The following MASP1 variants were observed in gnomAD, a reference collection of about 807,000 sequenced individuals.
MASP1 encodes the protein mannan-binding lectin serine protease 1.
In MASP1, 59 loss-of-function variants were observed where a neutral mutation model predicts 77.1. The ratio of observed to expected loss-of-function variants is 0.77; its 90% confidence interval spans 0.62 to 0.95. The LOEUF is 0.95. Ranked by LOEUF, MASP1 falls within the 40% of genes least tolerant of loss-of-function variation. The pLI is 0.00. For synonymous variants in MASP1, 362 were observed against 354.5 expected, an observed-to-expected ratio of 1.02 and a Z score of -0.24; for missense variants, 885 against 912.9, an observed-to-expected ratio of 0.97 and a Z score of 0.39.
chr3:187,279,472 C>G (rs898077559), intron 2 of MASP1, among the ~76,000 whole-genome samples: 1 of 151,986 alleles, frequency 6.6e-6, no homozygotes, highest in African/African-American at 2.4e-5. Context: ...TTTTTTACAC[C>G]CCCAAATCAT....
chr3:187,274,584 G>A (rs975208369), intron 2 of MASP1, among the ~76,000 whole-genome samples: 2 of 152,356 alleles, frequency 1.3e-5, no homozygotes, highest in African/African-American at 4.8e-5. Flanking sequence ...GGCAGAGCCA[G>A]TACTGGGGCC....
rs1054699834 is a variant in MASP1, at chr3:187,234,141, G to T, written c.*1543C>A. 2 of 1,287,026 alleles carry T rather than the reference G, an allele frequency of 1.6e-6. No individual in the cohort carries two copies. Among genetic ancestry groups the T allele is most frequent in the Admixed American group, 4.6e-5 (2 of 43,544 alleles). 79.7% of individuals were successfully genotyped at this position (1,287,026 alleles called of 1,614,324 possible). On this transcript the variant is annotated 3_prime_UTR_variant, in exon 11 of 11. Transcript: ENST00000296280. ...GACCCCTGATGGGAGCAACAATGCA[G>T]AGGCCCTTTACAGAATGGTGAAGCA...
At chr3:187,250,209 G>T in intron 8 of MASP1, 42 bp downstream of exon 8, 1 of 1,517,166 alleles carries the variant, frequency 6.6e-7, no homozygotes, top group South Asian at 1.1e-5. Flanking sequence ...GCCAGTGCTG[G>T]GGAGCTCAGT....
At chr3:187,221,028 A>G (rs773061238) in intron 15 of MASP1, 1 of 1,612,866 alleles carries the variant, frequency 6.2e-7, no homozygotes, top group Non-Finnish European at 8.5e-7. Context: ...CCAGCCTCTT[A>G]ACCCACCTTC....
chr3:187,226,520 C>G (rs1392078383), exon 12 of MASP1: 2 of 1,603,488 alleles, frequency 1.2e-6, no homozygotes, highest in East Asian at 4.5e-5. Flanking sequence ...CCAGCTGGAG[C>G]CTGGGGAACA....
intron 8 of MASP1, chr3:187,247,006 A>T (rs1714138543): frequency 8.0e-7 from 1 of 1,255,568 alleles, no homozygotes; most frequent in Non-Finnish European, 1.0e-6. Context: ...TTGTATATTA[A>T]ATCTTTTGTC....
chr3:187,256,724 A>C lies in MASP1; in HGVS notation c.684T>G (p.Phe228Leu). The C allele has an allele frequency of 6.2e-7, 1 of 1,614,010 alleles. No individual in the cohort carries two copies. Among genetic ancestry groups the C allele is most frequent in the Non-Finnish European group, 8.5e-7 (1 of 1,180,002 alleles). Residue 228 changes from phenylalanine (F) to leucine (L), a missense_variant, in exon 5 of 11, where the codon TTT (phenylalanine) becomes TTG (leucine). Transcript: ENST00000296280. ...LEEGFMVNLQ[F>L]EDIFDIEDHP... is the part of the protein sequence containing the mutation. ...GGTCCTCAATGTCAAATATGTCCTC[A>C]AACTGCAGGTTGACCATGAAACCCT...
At chr3:187,240,342 A>G (rs1207440443) in intron 10 of MASP1, among the ~76,000 whole-genome samples, 2 of 152,156 alleles carry the variant, frequency 1.3e-5, no homozygotes, top group Non-Finnish European at 2.9e-5. Flanking sequence ...AATATCACCC[A>G]ATGCTTAACC....
chr3:187,255,347 C>T (rs922332245), intron 5 of MASP1, among the ~76,000 whole-genome samples: 3 of 152,038 alleles, frequency 2.0e-5, no homozygotes, highest in African/African-American at 7.2e-5. Context: ...GGATTTTAGT[C>T]TTACATCTGC....
chr3:187,218,439 C>T (rs1711868119), exon 16 of MASP1: 1 of 152,574 alleles, frequency 6.6e-6, no homozygotes, highest in Non-Finnish European at 1.5e-5. Context: ...GGAGTTTCTG[C>T]TAGCTTGACA....
downstream of MASP1, among the ~76,000 whole-genome samples, chr3:187,233,674 T>C (rs940158622): frequency 6.6e-6 from 1 of 152,264 alleles, no homozygotes; most frequent in Non-Finnish European, 1.5e-5. Context: ...TAGCTGGTTT[T>C]GCTCTCAGCG....
chr3:187,260,339 T>C (rs1715454856), intron 4 of MASP1, among the ~76,000 whole-genome samples: 1 of 152,178 alleles, frequency 6.6e-6, no homozygotes. Flanking sequence ...CTCTCTATTG[T>C]AGAGGAACTT....
chr3:187,250,219 T>A (rs1349199078), intron 8 of MASP1, 32 bp downstream of exon 8: 2 of 1,575,178 alleles, frequency 1.3e-6, no homozygotes, highest in East Asian at 2.2e-5. Context: ...GGGAGCTCAG[T>A]ATCTTTATAA....
chr3:187,225,814 C>G (rs969985397), intron 12 of MASP1, among the ~76,000 whole-genome samples: 4 of 152,222 alleles, frequency 2.6e-5, no homozygotes, highest in African/African-American at 4.8e-5. Flanking sequence ...ATGACCTCCT[C>G]CAGGTAGCCT....
At chr3:187,226,270 T>C (rs769782045) in intron 12 of MASP1, 2 of 709,268 alleles carry the variant, frequency 2.8e-6, no homozygotes, top group African/African-American at 1.7e-5. Flanking sequence ...CTCAGGTTCC[T>C]GGACCTCCAT....
intron 2 of MASP1, among the ~76,000 whole-genome samples, chr3:187,264,106 T>C (rs188274548): frequency 2.9e-4 from 44 of 152,342 alleles, no homozygotes; most frequent in African/African-American, 8.9e-4. Context: ...TAGCTTAGCA[T>C]GTCAGAAATA....
At chr3:187,223,271 C>T (rs1712178719) in intron 13 of MASP1, 18 of 1,144,490 alleles carry the variant, frequency 1.6e-5, no homozygotes, top group Non-Finnish European at 2.4e-5. Context: ...GCAGCTCCAT[C>T]ATCCTCTTCT....
chr3:187,254,426 A>G (rs1206727094), intron 5 of MASP1, among the ~76,000 whole-genome samples: 2 of 152,170 alleles, frequency 1.3e-5, no homozygotes, highest in African/African-American at 4.8e-5. Flanking sequence ...GCATATGTAA[A>G]GGTCAAAGCC....
At chr3:187,280,297 C>T (rs929322313) in intron 2 of MASP1, among the ~76,000 whole-genome samples, 2 of 152,150 alleles carry the variant, frequency 1.3e-5, no homozygotes, top group Non-Finnish European at 2.9e-5. Flanking sequence ...AGAACAGTGG[C>T]ATTGCATTAC....
Sources: allele counts gnomAD v4.1 joint callset (sites outside exome capture counted in the v4.1 genomes callset), GRCh38; gene constraint gnomAD v4.1.1; transcripts MANE v1.5; gene names NCBI Gene and HGNC (gene_info 2026-07-23, HGNC 2026-07-21).